The following SP140 variants were observed in gnomAD, a reference collection of about 807,000 sequenced individuals.
SP140 encodes the protein nuclear body protein SP140.
SP140 carries 81 observed loss-of-function variants against 125.0 expected under a neutral mutation model. The observed-to-expected ratio is 0.65, with a 90% confidence interval of 0.54 to 0.78. SP140 has a LOEUF of 0.78. Ranked by LOEUF, SP140 falls within the 30% of genes least tolerant of loss-of-function variation. SP140 has a pLI of 0.00. For missense variants in SP140, 858 were observed against 1,037.0 expected (o/e 0.83, Z 2.37); for synonymous variants, 312 against 354.0 (o/e 0.88, Z 1.33).
At chr2:230,308,355 C>A (rs1310466832) in intron 22 of SP140, among the ~76,000 whole-genome samples, 2 of 151,936 alleles carry the variant, frequency 1.3e-5, no homozygotes, top group Non-Finnish European at 2.9e-5. Flanking sequence ...TCCATGTAAC[C>A]AAAAACCACC....
At chr2:230,280,002 T>G (rs2055291730) in intron 15 of SP140, among the ~76,000 whole-genome samples, 1 of 152,076 alleles carries the variant, frequency 6.6e-6, no homozygotes, top group African/African-American at 2.4e-5. Flanking sequence ...ATAATGTACA[T>G]TTGAACTATT....
chr2:230,212,862 G>A, intron 1 of SP140: 1 of 1,614,132 alleles, frequency 6.2e-7, no homozygotes. Context: ...CTGGGAGGAT[G>A]TTCCAGGCTC....
At chr2:230,310,094 C>T in intron 23 of SP140, 55 bp downstream of exon 23, 1 of 1,540,272 alleles carries the variant, frequency 6.5e-7, no homozygotes. Flanking sequence ...TTCCACCTGC[C>T]ATGCGCACTC....
At chr2:230,250,205 C>G (rs144874408) in intron 9 of SP140, among the ~76,000 whole-genome samples, 194 of 152,354 alleles carry the variant, frequency 1.3e-3, no homozygotes, top group African/African-American at 4.4e-3. Context: ...CAATTGTTCT[C>G]TGCTTTAGCA....
At chr2:230,294,630 G>C (rs1164766558) in intron 21 of SP140, among the ~76,000 whole-genome samples, 1 of 152,160 alleles carries the variant, frequency 6.6e-6, no homozygotes, top group African/African-American at 2.4e-5. Flanking sequence ...GGAAAGTCAA[G>C]CATGGTCATG....
intron 11 of SP140, among the ~76,000 whole-genome samples, chr2:230,255,199 G>T (rs28693552): frequency 6.6e-6 from 1 of 152,024 alleles, no homozygotes; most frequent in Non-Finnish European, 1.5e-5. Context: ...AAAGGGGGAG[G>T]GGGAGAAGGA....
chr2:230,255,400 T>G (rs1000693860), intron 11 of SP140, 52 bp from the exon 12 acceptor site: 3 of 1,598,822 alleles, frequency 1.9e-6, no homozygotes, highest in South Asian at 1.1e-5. Context: ...TCTTCATGAT[T>G]TTTTGTTGGT....
At position 230,282,354 on chromosome 2, in the gene SP140, C is replaced by T. The variant is rs150351659; in HGVS notation, c.1499-1992C>T. Among the ~76,000 whole-genome samples, 258 of 152,282 alleles carry T rather than the reference C, an allele frequency of 1.7e-3. 1 individual carries two copies. Among genetic ancestry groups the T allele is most frequent in the African/African-American group, 3.2e-3 (131 of 41,564 alleles). On this transcript the variant is annotated intron_variant, in intron 15 of 26. Coordinates refer to ENST00000392045, the MANE Select transcript of SP140 (RefSeq NM_007237.5). ...ATCCTTGAAGTGATACTCTGAGGCA[C>T]GTAGAAATGCCATGGAGAATGGCCT... is the stretch of plus-strand genomic sequence containing the variant.
chr2:230,237,379 GT>G lies in SP140; in HGVS notation c.237+121del. On this transcript the variant is annotated intron_variant, in intron 2 of 26. Coordinates refer to ENST00000392045, the MANE Select transcript of SP140 (RefSeq NM_007237.5). This position sits in a 1 kb window ranked among gnomAD's most constrained non-coding sequence, Gnocchi z 5.4. ...AGTGGGGACCTTCACCATTCTGTAG[GT>G]TAGGAGGTGACAGGAGAAGCAGGCA... 1.2e-6 allele frequency: 1 copy of G among 821,362 alleles called. No individual in the cohort carries two copies. Among genetic ancestry groups the G allele is most frequent in the Non-Finnish European group, 1.9e-6 (1 of 524,536 alleles). 50.9% of individuals were successfully genotyped at this position (821,362 alleles called of 1,614,324 possible).
chr2:230,291,738 G>A (rs752567806), intron 19 of SP140, among the ~76,000 whole-genome samples: 2 of 152,164 alleles, frequency 1.3e-5, no homozygotes, highest in Non-Finnish European at 2.9e-5. Flanking sequence ...CAAGTTTTGT[G>A]TGAACATATT....
intron 22 of SP140, among the ~76,000 whole-genome samples, chr2:230,305,218 C>T (rs2058645404): frequency 6.6e-6 from 1 of 152,212 alleles, no homozygotes; most frequent in South Asian, 2.1e-4. Context: ...CACCTTACTC[C>T]TGCAAGAATG....
chr2:230,269,730 G>A, intron 13 of SP140, 107 bp from the exon 14 acceptor site: 1 of 1,092,546 alleles, frequency 9.2e-7, no homozygotes, highest in Non-Finnish European at 1.4e-6. Context: ...AGCAGTGAAA[G>A]GAGAAGATTT....
intron 20 of SP140, 33 bp downstream of exon 20, chr2:230,292,821 C>G: frequency 6.2e-7 from 1 of 1,612,076 alleles, no homozygotes; most frequent in South Asian, 1.1e-5. Flanking sequence ...GGCCTGTGTT[C>G]CTTCTTGTTC....
chr2:230,280,148 G>A (rs1328755708), intron 15 of SP140, among the ~76,000 whole-genome samples: 1 of 152,032 alleles, frequency 6.6e-6, no homozygotes, highest in Non-Finnish European at 1.5e-5. Flanking sequence ...TCTTGCACAT[G>A]GTTGTATATT....
chr2:230,213,089 G>T, intron 1 of SP140: 14 of 1,548,576 alleles, frequency 9.0e-6, no homozygotes, highest in South Asian at 4.5e-5. Flanking sequence ...TGGGGAAGGG[G>T]ATTTCTTAAT....
chr2:230,289,207 T>G (rs1179324268), intron 18 of SP140, among the ~76,000 whole-genome samples: 1 of 152,238 alleles, frequency 6.6e-6, no homozygotes, highest in Non-Finnish European at 1.5e-5. Context: ...TTTGCATTTC[T>G]CTAATGACCA....
rs537577220 is a variant in SP140, at chr2:230,289,986, A to C, written c.1721-474A>C. ...AAATGAACTAAAGGAGAGAACAAAA[A>C]TAGAAGGCAGACATCATCTCCATTA... is the stretch of plus-strand genomic sequence containing the variant. On this transcript the variant is annotated intron_variant, in intron 18 of 26. Transcript: ENST00000392045. Among the ~76,000 whole-genome samples the C allele has an allele frequency of 4.5e-4, 69 of 152,280 alleles. No individual in the cohort carries two copies. In the South Asian group the frequency reaches 0.012, roughly 26 times the overall value.
intron 17 of SP140, 51 bp from the exon 18 acceptor site, chr2:230,287,841 G>A (rs375762912): frequency 6.8e-7 from 1 of 1,476,668 alleles, no homozygotes; most frequent in South Asian, 1.2e-5. Context: ...TGTAATATGT[G>A]TAATACAGCT....
intron 22 of SP140, among the ~76,000 whole-genome samples, chr2:230,304,621 C>G (rs1490920422): frequency 6.6e-6 from 1 of 152,128 alleles, no homozygotes; most frequent in Non-Finnish European, 1.5e-5. Flanking sequence ...TTGCAGCCAG[C>G]TAACCTTTGA....
Sources: allele counts gnomAD v4.1 joint callset (sites outside exome capture counted in the v4.1 genomes callset), GRCh38; gene constraint gnomAD v4.1.1; non-coding constraint Gnocchi (gnomAD v3.1); transcripts MANE v1.5; gene names NCBI Gene and HGNC (gene_info 2026-07-23, HGNC 2026-07-21).